Variants in RUBCN observed in about 807,000 individuals in gnomAD.
RUBCN encodes run domain Beclin-1-interacting and cysteine-rich domain-containing protein.
Under a neutral mutation model 113.2 loss-of-function variants are expected in RUBCN, and 74 were observed. The observed-to-expected ratio is 0.65, with a 90% CI of 0.54 to 0.79. The LOEUF is 0.79. Ranked by LOEUF, RUBCN falls within the 30% of genes least tolerant of loss-of-function variation. The pLI is 0.00. For synonymous variants in RUBCN, 480 were observed against 490.0 expected, an observed-to-expected ratio of 0.98 and a Z score of 0.27; for missense variants, 1,109 against 1,251.7, an observed-to-expected ratio of 0.89 and a Z score of 1.72.
intron 2 of RUBCN, among the ~76,000 whole-genome samples, chr3:197,706,180 C>T (rs188940463): frequency 2.1e-4 from 32 of 152,248 alleles, no homozygotes; most frequent in East Asian, 1.3e-3. Flanking sequence ...TACTTTTCCA[C>T]GCCACCCAGG....
At chr3:197,747,228 G>T (rs2109027272) in intron 1 of RUBCN, among the ~76,000 whole-genome samples, 1 of 152,206 alleles carries the variant, frequency 6.6e-6, no homozygotes, top group African/African-American at 2.4e-5. Flanking sequence ...GGAATCTGGG[G>T]ATGGCTCCTA....
At chr3:197,734,256 C>CAAA (rs1263970915) in intron 1 of RUBCN, among the ~76,000 whole-genome samples, 15 of 95,706 alleles carry the variant, frequency 1.6e-4, no homozygotes, top group Non-Finnish European at 3.2e-4. Context: ...GACTCTATCT[C>CAAA]AAAAAAAAAA....
At chr3:197,677,159 A>G (rs1720532722) in intron 17 of RUBCN, 121 bp from the exon 18 acceptor site, 1 of 1,117,092 alleles carries the variant, frequency 9.0e-7, no homozygotes, top group African/African-American at 1.5e-5. Context: ...CAGCCAGCCC[A>G]AGGTTCCAGG....
At chr3:197,738,848 A>G (rs6583251), upstream of RUBCN, among the ~76,000 whole-genome samples, 30,727 of 151,664 alleles carry the variant, frequency 0.2, 5,916 homozygotes, top group African/African-American at 0.51. Flanking sequence ...TGCCTCAGTC[A>G]CCCAAAAAGT....
At chr3:197,713,758 G>A (rs894367153) in intron 2 of RUBCN, among the ~76,000 whole-genome samples, 1 of 151,652 alleles carries the variant, frequency 6.6e-6, no homozygotes, top group African/African-American at 2.4e-5. Flanking sequence ...GAAGAGAGAA[G>A]GGCATACGGC....
chr3:197,682,444 A>G lies in RUBCN; in HGVS notation c.2126+26T>C, dbSNP rs533760790. On this transcript the variant is annotated intron_variant, in intron 14 of 19. Coordinates refer to ENST00000296343, the MANE Select transcript of RUBCN (RefSeq NM_014687.4). ...TCCAAAGAGGACGGATCTGTGCTCCAAAGGGCACAGACACTGGCCACTCAC... is the reference window on the plus strand; with the variant it reads ...TCCAAAGAGGACGGATCTGTGCTCCGAAGGGCACAGACACTGGCCACTCAC... 3.7e-6 allele frequency: 6 copies of G among 1,613,668 alleles called. No homozygotes were observed. The African/African-American group carries it at 4.0e-5, about 11-fold the overall frequency.
In RUBCN at chr3:197,670,162, C is replaced by A. The variant is rs758316272; in HGVS notation, c.*4856G>T. On this transcript the variant is annotated 3_prime_UTR_variant, in exon 20 of 20. Transcript: ENST00000296343. ...TCGGCCTCCCAAAGTGCTGGGATTA[C>A]AGGCGTGAGCCACTGTGTGCGGCTC... is the stretch of plus-strand genomic sequence containing the variant. Among the ~76,000 whole-genome samples the A allele has an allele frequency of 5.3e-5, 8 of 152,240 alleles. No homozygotes were observed. The highest frequency in any genetic ancestry group is 1.0e-4 in the Non-Finnish European group (7 of 68,040).
chr3:197,677,770 T>C (rs1377173646), intron 16 of RUBCN, among the ~76,000 whole-genome samples: 3 of 147,046 alleles, frequency 2.0e-5, no homozygotes, highest in Non-Finnish European at 3.0e-5. Flanking sequence ...CAGACTGTCC[T>C]ACGCTCTAAC....
At chr3:197,682,405 G>T (rs977301885) in intron 14 of RUBCN, 65 bp downstream of exon 14, 115 of 1,598,090 alleles carry the variant, frequency 7.2e-5, no homozygotes, top group Non-Finnish European at 9.8e-5. Context: ...TGGGTGAGAC[G>T]AAAACCCTGA....
chr3:197,743,456 A>G (rs1473573986), intron 1 of RUBCN, among the ~76,000 whole-genome samples: 1 of 152,224 alleles, frequency 6.6e-6, no homozygotes, highest in Non-Finnish European at 1.5e-5. Context: ...GAATAAATGA[A>G]CAAACAAATT....
chr3:197,724,199 T>C (rs184077255), intron 1 of RUBCN, among the ~76,000 whole-genome samples: 2 of 152,310 alleles, frequency 1.3e-5, no homozygotes, highest in Non-Finnish European at 2.9e-5. Context: ...CAAATAAGTA[T>C]ATCTGGGGAA....
intron 2 of RUBCN, among the ~76,000 whole-genome samples, chr3:197,706,309 A>G (rs768142096): frequency 1.3e-5 from 2 of 152,176 alleles, no homozygotes; most frequent in African/African-American, 2.4e-5. Context: ...GTTTTTCGAT[A>G]ACCTTTTCTG....
chr3:197,702,589 G>A (rs891710449), intron 5 of RUBCN, among the ~76,000 whole-genome samples: 1 of 152,150 alleles, frequency 6.6e-6, no homozygotes, highest in Admixed American at 6.5e-5. Context: ...CTTGAACCCG[G>A]GAGGCGGAGG....
chr3:197,730,996 G>T (rs116454932), intron 1 of RUBCN, among the ~76,000 whole-genome samples: 1,844 of 134,792 alleles, frequency 0.014, 43 homozygotes, highest in African/African-American at 0.049. Context: ...GAGGTTTTTT[G>T]TTTTTGTTTT....
chr3:197,720,477 G>C (rs1292225735), intron 1 of RUBCN, among the ~76,000 whole-genome samples: 1 of 151,708 alleles, frequency 6.6e-6, no homozygotes, highest in East Asian at 1.9e-4. Flanking sequence ...GCATAATCTT[G>C]GCTCACTGCA....
chr3:197,670,184 G>A lies in RUBCN; in HGVS notation c.*4834C>T, dbSNP rs934791616. On this transcript the variant is annotated 3_prime_UTR_variant, in exon 20 of 20. Coordinates refer to ENST00000296343, the MANE Select transcript of RUBCN (RefSeq NM_014687.4). The stretch of plus-strand genomic sequence containing the variant: ...TTACAGGCGTGAGCCACTGTGTGCG[G>A]CTCACTATCATAATTTTTATAACTG... 1.2e-4 allele frequency among the ~76,000 whole-genome samples: 19 copies of A among 152,208 alleles called. No homozygotes were observed. Among genetic ancestry groups the A allele is most frequent in the African/African-American group, 4.6e-4 (19 of 41,454 alleles).
chr3:197,694,363 G>A lies in RUBCN; in HGVS notation c.1684+12C>T. Reference sequence around the variant, plus strand: ...AAATGTGGGAACAGAAGCATCCACAGGCTCCACTGACTTCCGTGCTCAGCC... The same window carrying A: ...AAATGTGGGAACAGAAGCATCCACAAGCTCCACTGACTTCCGTGCTCAGCC... On this transcript the variant is annotated intron_variant, in intron 10 of 19. Transcript: ENST00000296343. The A allele has an allele frequency of 6.2e-7, 1 of 1,613,264 alleles. No individual in the cohort carries two copies. Among genetic ancestry groups the A allele is most frequent in the Non-Finnish European group, 8.5e-7 (1 of 1,179,166 alleles).
rs372340167 is a variant in RUBCN, at chr3:197,718,046, C to T, written c.150G>A (p.Lys50=). The change falls in exon 2 of 20, where the codon AAG becomes AAA. Residue 50 remains lysine, a synonymous_variant. Coordinates refer to ENST00000296343, the MANE Select transcript of RUBCN (RefSeq NM_014687.4). Reference sequence around the variant, plus strand: ...TGCAAAGCCGCTCCAAGCCACCATACTTAGACCAGACGTTGGGGCTGTTGG... The same window carrying T: ...TGCAAAGCCGCTCCAAGCCACCATATTTAGACCAGACGTTGGGGCTGTTGG... ...VSTNSPNVWS[K]YGGLERLCRD... is the part of the protein sequence containing the mutation. 26 of 1,614,086 alleles carry T rather than the reference C, an allele frequency of 1.6e-5. No homozygotes were observed. Among genetic ancestry groups the T allele is most frequent in the Non-Finnish European group, 2.0e-5 (24 of 1,180,036 alleles).
At chr3:197,676,368 C>T (rs1720420264) in intron 18 of RUBCN, 6 of 998,448 alleles carry the variant, frequency 6.0e-6, no homozygotes, top group Non-Finnish European at 7.2e-6. Context: ...GGCTGGAGTG[C>T]AGTGGCATGA....
Sources: gnomAD v4.1 joint callset for allele counts (sites outside exome capture counted in the v4.1 genomes callset) on GRCh38, gnomAD v4.1.1 for gene constraint, MANE v1.5 for transcripts, NCBI Gene and HGNC (gene_info 2026-07-23, HGNC 2026-07-21) for gene names.